EXOC4: variants seen among roughly 807,000 people sequenced by gnomAD.
The protein encoded by EXOC4 is exocyst complex component 4, also known as SEC8-like 1.
A neutral mutation model predicts 107.2 loss-of-function variants in EXOC4; 71 were observed. That is an observed-to-expected ratio of 0.66 (90% confidence interval 0.55 to 0.81). EXOC4 has a LOEUF of 0.81. EXOC4 is among the 30% of genes least tolerant of loss of function. The probability of loss-of-function intolerance (pLI) is 0.00; values close to 1 mark genes in which losing one functional copy is unlikely to be tolerated. For synonymous variants in EXOC4, 456 were observed against 441.2 expected (o/e 1.03, Z -0.42); for missense variants, 1,108 against 1,189.6 (o/e 0.93, Z 1.01).
chr7:133,341,593 T>G (rs1284815830), intron 5 of EXOC4, among the ~76,000 whole-genome samples: 1 of 152,218 alleles, frequency 6.6e-6, no homozygotes, highest in Non-Finnish European at 1.5e-5. Flanking sequence ...TTTGTTGAGT[T>G]TCTGTCTTGA....
At chr7:133,542,940 T>C (rs1477085544) in intron 9 of EXOC4, among the ~76,000 whole-genome samples, 1 of 152,160 alleles carries the variant, frequency 6.6e-6, no homozygotes, top group African/African-American at 2.4e-5. Context: ...ATATTAAGTG[T>C]GTTTAGACTA....
At chr7:133,414,657 T>C (rs1797433528) in intron 7 of EXOC4, among the ~76,000 whole-genome samples, 1 of 152,150 alleles carries the variant, frequency 6.6e-6, no homozygotes, top group Non-Finnish European at 1.5e-5. Context: ...CTCAGAAACA[T>C]ACTAAGGGTA....
At chr7:134,034,671 T>C (rs1795348458) in intron 17 of EXOC4, among the ~76,000 whole-genome samples, 1 of 152,240 alleles carries the variant, frequency 6.6e-6, no homozygotes, top group Non-Finnish European at 1.5e-5. Context: ...TCCCCAGACA[T>C]GTTGAACTGT....
intron 10 of EXOC4, among the ~76,000 whole-genome samples, chr7:133,734,412 C>T (rs1365141757): frequency 6.8e-6 from 1 of 146,750 alleles, no homozygotes; most frequent in Non-Finnish European, 1.5e-5. Flanking sequence ...TTGAAGTTCA[C>T]TTATCTCATG....
chr7:133,957,719 C>A (rs187345821), intron 14 of EXOC4, among the ~76,000 whole-genome samples: 9 of 152,268 alleles, frequency 5.9e-5, no homozygotes, highest in Non-Finnish European at 7.4e-5. Flanking sequence ...TCAGCAGAAC[C>A]ATTTGAAACA....
At chr7:133,464,757 G>GAATTAATT (rs1454602213) in intron 7 of EXOC4, among the ~76,000 whole-genome samples, 2 of 140,318 alleles carry the variant, frequency 1.4e-5, no homozygotes, top group Non-Finnish European at 3.0e-5. Flanking sequence ...GTTAATTACA[G>GAATTAATT]AATTAATTAA....
chr7:133,664,245 C>A (rs1793761282), intron 10 of EXOC4, among the ~76,000 whole-genome samples: 2 of 152,044 alleles, frequency 1.3e-5, no homozygotes, highest in Non-Finnish European at 2.9e-5. Flanking sequence ...TATCTGTTAT[C>A]TGGAAATAGA....
chr7:133,499,958 A>G (rs1799547021), intron 9 of EXOC4, among the ~76,000 whole-genome samples: 1 of 152,176 alleles, frequency 6.6e-6, no homozygotes, highest in Non-Finnish European at 1.5e-5. Flanking sequence ...GTGTGAGAAC[A>G]GACTAATATG....
intron 14 of EXOC4, among the ~76,000 whole-genome samples, chr7:133,950,100 G>A (rs932258879): frequency 6.6e-6 from 1 of 152,060 alleles, no homozygotes; most frequent in Non-Finnish European, 1.5e-5. Flanking sequence ...GCAAAGATGA[G>A]GTATTATGAA....
the EXOC4 span, among the ~76,000 whole-genome samples, chr7:134,087,516 G>A: frequency 5.3e-5 from 8 of 152,248 alleles, no homozygotes; most frequent in South Asian, 2.1e-4. Context: ...GGCAAAATAC[G>A]TAAAATTATC....
Position 133,857,460 on chromosome 7 carries a change from C to T in EXOC4, c.1735-38139C>T, listed in dbSNP as rs1051449955. Among the ~76,000 whole-genome samples, 28 of 129,444 alleles carry T rather than the reference C, an allele frequency of 2.2e-4. No homozygotes were observed. In the East Asian group the frequency reaches 5.1e-3, roughly 24 times the overall value. The allele number at this position is 129,444 out of a possible 152,430, so 84.9% of individuals were successfully genotyped here. On this transcript the variant is annotated intron_variant, in intron 11 of 17. Coordinates refer to ENST00000253861, the MANE Select transcript of EXOC4 (RefSeq NM_021807.4). ...AGCCAGAACCCTCTGTGGCTGGCGG[C>T]GCCTCTGCTTGAGTTTCACTCATGC...
intron 10 of EXOC4, among the ~76,000 whole-genome samples, chr7:133,641,527 G>A (rs746876383): frequency 8.6e-5 from 13 of 152,010 alleles, no homozygotes; most frequent in Non-Finnish European, 1.0e-4. Flanking sequence ...AATATATTCT[G>A]TACAGTCACA....
chr7:133,817,400 G>T lies in EXOC4; in HGVS notation c.1590G>T (p.Val530=), dbSNP rs1001139764. Residue 530 remains valine (V), a synonymous_variant, in exon 11 of 18, where the codon GTG becomes GTT. Coordinates refer to ENST00000253861, the MANE Select transcript of EXOC4 (RefSeq NM_021807.4). ...KQCPLREFLT[V]YIKNIFLNQV... ...GTCCTCTTCGAGAGTTTCTCACCGT[G>T]TACATCAAAAACATCTTTCTCAATC... The T allele has an allele frequency of 6.2e-7, 1 of 1,614,104 alleles. No individual in the cohort carries two copies. The highest frequency in any genetic ancestry group is 8.5e-7 in the Non-Finnish European group (1 of 1,179,998).
chr7:133,375,172 A>C (rs539490594), intron 7 of EXOC4, 170 bp downstream of exon 7: 9 of 616,492 alleles, frequency 1.5e-5, no homozygotes, highest in Non-Finnish European at 2.2e-5. Context: ...AACTTCTACT[A>C]TCTTCAAAAA....
intron 1 of EXOC4, among the ~76,000 whole-genome samples, chr7:133,271,618 C>T (rs1448019776): frequency 6.6e-6 from 1 of 152,188 alleles, no homozygotes; most frequent in African/African-American, 2.4e-5. Context: ...ATTCGGTTTT[C>T]GGAGCTCGGA....
chr7:133,794,179 T>A (rs992200308), intron 10 of EXOC4, among the ~76,000 whole-genome samples: 2 of 152,212 alleles, frequency 1.3e-5, no homozygotes, highest in African/African-American at 4.8e-5. Flanking sequence ...GTTACTATAA[T>A]CAGCTTTGAA....
At chr7:133,982,628 T>C (rs1467329810) in intron 14 of EXOC4, among the ~76,000 whole-genome samples, 1 of 152,166 alleles carries the variant, frequency 6.6e-6, no homozygotes, top group Non-Finnish European at 1.5e-5. Context: ...GAGGAGGAAT[T>C]GCCATGTATT....
At chr7:133,980,026 C>CT (rs1793942178) in intron 14 of EXOC4, among the ~76,000 whole-genome samples, 1 of 152,172 alleles carries the variant, frequency 6.6e-6, no homozygotes, top group South Asian at 2.1e-4. Flanking sequence ...GCATTCTCCC[C>CT]TTTTTATGTA....
chr7:133,419,196 A>G (rs1450071066), intron 7 of EXOC4, among the ~76,000 whole-genome samples: 1 of 152,194 alleles, frequency 6.6e-6, no homozygotes, highest in African/African-American at 2.4e-5. Context: ...GAGACATTAG[A>G]TGAATCATGT....
Sources: allele counts gnomAD v4.1 joint callset (sites outside exome capture counted in the v4.1 genomes callset), GRCh38; gene constraint gnomAD v4.1.1; transcripts MANE v1.5; gene names NCBI Gene and HGNC (gene_info 2026-07-23, HGNC 2026-07-21).